The following CFAP45 variants were observed in gnomAD, a reference collection of about 807,000 sequenced individuals.
The protein encoded by CFAP45 is cilia- and flagella-associated protein 45.
Under a neutral mutation model 75.6 loss-of-function variants are expected in CFAP45, and 43 were observed. The observed-to-expected ratio is 0.57, with a 90% CI of 0.45 to 0.73. CFAP45 has a LOEUF of 0.73. CFAP45 is among the 30% of genes least tolerant of loss of function. The pLI is 0.00. For synonymous variants in CFAP45, 223 were observed against 244.6 expected, an observed-to-expected ratio of 0.91 and a Z score of 0.82; for missense variants, 689 against 701.5, an observed-to-expected ratio of 0.98 and a Z score of 0.20.
chr1:159,897,132 C>T (rs866155324), intron 1 of CFAP45, among the ~76,000 whole-genome samples: 1 of 151,924 alleles, frequency 6.6e-6, no homozygotes, highest in African/African-American at 2.4e-5. Flanking sequence ...GGCACGGTGG[C>T]GTACACCTAT....
Position 159,886,534 on chromosome 1 carries a change from C to T in CFAP45, c.744G>A (p.Arg248=). The T allele has an allele frequency of 6.2e-7, 1 of 1,614,172 alleles. No homozygotes were observed. The highest frequency in any genetic ancestry group is 8.5e-7 in the Non-Finnish European group (1 of 1,180,012). The change falls in exon 6 of 12, where the codon AGG becomes AGA. Residue 248 remains arginine (R), a synonymous_variant. Transcript: ENST00000368099. ...ACCTAATTCTTTCCTCCCTCCTCTT[C>T]CTCTCCAGTTCCTCCTGCCTTTGAA... ...KSIQRQEELE[R]KRREERIRGR...
intron 8 of CFAP45, among the ~76,000 whole-genome samples, chr1:159,878,965 C>A (rs1649482000): frequency 6.6e-6 from 1 of 151,882 alleles, no homozygotes; most frequent in Non-Finnish European, 1.5e-5. Flanking sequence ...GCAGCCCTGG[C>A]TGCAAGAATA....
At chr1:159,882,197 C>T (rs970917596) in intron 7 of CFAP45, among the ~76,000 whole-genome samples, 22 of 152,122 alleles carry the variant, frequency 1.4e-4, no homozygotes, top group African/African-American at 5.3e-4. Flanking sequence ...TTTGCTCACT[C>T]CACTTTTCCC....
chr1:159,889,229 A>T (rs1444605383), intron 3 of CFAP45, among the ~76,000 whole-genome samples: 2 of 151,950 alleles, frequency 1.3e-5, no homozygotes, highest in South Asian at 4.2e-4. Context: ...ATCGCTAATT[A>T]TAATGATTAC....
intron 11 of CFAP45, 31 bp from the exon 12 acceptor site, chr1:159,872,594 A>G (rs769332395): frequency 6.3e-7 from 1 of 1,590,108 alleles, no homozygotes; most frequent in Admixed American, 1.7e-5. Context: ...GGTATAAGGA[A>G]AGGTATTGGA....
intron 7 of CFAP45, among the ~76,000 whole-genome samples, chr1:159,882,016 G>T (rs1387386887): frequency 6.6e-6 from 1 of 152,194 alleles, no homozygotes; most frequent in Admixed American, 6.5e-5. Context: ...AACTCTCCCT[G>T]TGTGTCTTCC....
intron 1 of CFAP45, among the ~76,000 whole-genome samples, chr1:159,897,645 G>C (rs982283715): frequency 6.6e-6 from 1 of 152,120 alleles, no homozygotes; most frequent in Admixed American, 6.5e-5. Context: ...TATGTGCCCA[G>C]AATGTATTAC....
In CFAP45 at chr1:159,890,629, G is replaced by A. The variant is rs1362563439; in HGVS notation, c.130-7C>T. 1 of 1,613,782 alleles carries A rather than the reference G, an allele frequency of 6.2e-7. No homozygotes were observed. The highest frequency in any genetic ancestry group is 8.5e-7 in the Non-Finnish European group (1 of 1,179,792). On this transcript the variant is annotated splice_region_variant and splice_polypyrimidine_tract_variant and intron_variant, in intron 2 of 11. Coordinates refer to ENST00000368099, the MANE Select transcript of CFAP45 (RefSeq NM_012337.3). ...TCTGGCCCTGGGCTGGGGACTATGA[G>A]TTCAGAAAGAATAGCTTAGAAGCTT... is the stretch of plus-strand genomic sequence containing the variant.
At chr1:159,896,395 G>A (rs1294983776) in intron 1 of CFAP45, among the ~76,000 whole-genome samples, 1 of 152,210 alleles carries the variant, frequency 6.6e-6, no homozygotes, top group African/African-American at 2.4e-5. Flanking sequence ...CCTCATTGGG[G>A]AAATGCTGAC....
chr1:159,883,409 G>A (rs1027188035), intron 7 of CFAP45, among the ~76,000 whole-genome samples: 3 of 152,142 alleles, frequency 2.0e-5, no homozygotes, highest in Non-Finnish European at 4.4e-5. Context: ...AAGAGAGCCA[G>A]AAATACATAT....
At position 159,893,145 on chromosome 1, in the gene CFAP45, G is replaced by T. The variant is rs372096436; in HGVS notation, c.129+35C>A. The T allele has an allele frequency of 1.9e-6, 3 of 1,611,140 alleles. No individual in the cohort carries two copies. In the East Asian group the frequency reaches 6.7e-5, roughly 36 times the overall value. ...TACATTTTTGGGCCTCTGCCTGCAG[G>T]TGGCATCAACTTGAAAGGACTTGTT... On this transcript the variant is annotated intron_variant, in intron 2 of 11. Coordinates refer to ENST00000368099, the MANE Select transcript of CFAP45 (RefSeq NM_012337.3).
chr1:159,877,343 A>T lies in CFAP45; in HGVS notation c.1158+6T>A. ...AAGTAGAGGGAAGTCGAGACTAAGC[A>T]GGTACCTGTTCTGCCTGGTAATCCT... On this transcript the variant is annotated splice_donor_region_variant and intron_variant, in intron 9 of 11. Transcript: ENST00000368099. 6.3e-7 allele frequency: 1 copy of T among 1,579,384 alleles called. No individual in the cohort carries two copies. Among genetic ancestry groups the T allele is most frequent in the Non-Finnish European group, 8.7e-7 (1 of 1,148,200 alleles).
chr1:159,873,502 GCT>G (rs1333730030), intron 10 of CFAP45: 1 of 316,522 alleles, frequency 3.2e-6, no homozygotes, highest in African/African-American at 2.1e-5. Flanking sequence ...ACACTCTCTT[GCT>G]CTGTCACCCA....
chr1:159,878,753 TA>T (rs539116292), intron 8 of CFAP45, among the ~76,000 whole-genome samples: 1,062 of 32,330 alleles, frequency 0.033, 8 homozygotes, highest in African/African-American at 0.036. Context: ...AGACTACATC[TA>T]AAAAAAAAAA....
intron 8 of CFAP45, among the ~76,000 whole-genome samples, chr1:159,879,303 C>T (rs895841301): frequency 4.6e-5 from 7 of 152,152 alleles, no homozygotes; most frequent in Non-Finnish European, 7.4e-5. Context: ...GCACTAACTC[C>T]TACACAGAAT....
At chr1:159,880,815 T>C in intron 7 of CFAP45, 115 bp from the exon 8 acceptor site, 2 of 921,540 alleles carry the variant, frequency 2.2e-6, no homozygotes. Flanking sequence ...GCCTGCAGTC[T>C]AGTGTCCACA....
At position 159,884,396 on chromosome 1, in the gene CFAP45, G is replaced by A. The variant is rs752665362; in HGVS notation, c.897+40C>T. 107 of 1,571,954 alleles carry A rather than the reference G, an allele frequency of 6.8e-5. 1 individual carries two copies. The African/African-American group carries it at 1.2e-3, about 18-fold the overall frequency. ...CAGAGTCTTGAAGGGTTTTGATGCT[G>A]CAGCTGGTGAAACGTGGCATTGTCT... is the stretch of plus-strand genomic sequence containing the variant. On this transcript the variant is annotated intron_variant, in intron 7 of 11. Transcript: ENST00000368099.
In CFAP45 at chr1:159,884,521, T is replaced by G. The variant is rs961340993; in HGVS notation, c.812A>C (p.Glu271Ala). 1 of 1,613,724 alleles carries G rather than the reference T, an allele frequency of 6.2e-7. No homozygotes were observed. The highest frequency in any genetic ancestry group is 8.5e-7 in the Non-Finnish European group (1 of 1,179,928). Residue 271 changes from glutamate (E) to alanine (A), a missense_variant, in exon 7 of 12, where the codon GAG becomes GCG. By Grantham distance (107) the Glu-to-Ala change is moderately radical (BLOSUM62 -1). Coordinates refer to ENST00000368099, the MANE Select transcript of CFAP45 (RefSeq NM_012337.3). The stretch of plus-strand genomic sequence containing the variant: ...CCGCTGCTCAGCAAGCAGCGATCGC[T>G]CCTCCTGGTTCTTTTCCATCTGTTC... Reference protein sequence around the residue: ...IVEQMEKNQEERSLLAEQREQ... With the variant: ...IVEQMEKNQEARSLLAEQREQ...
At chr1:159,875,341 G>A (rs1429082529) in intron 10 of CFAP45, among the ~76,000 whole-genome samples, 2 of 152,190 alleles carry the variant, frequency 1.3e-5, no homozygotes, top group South Asian at 4.1e-4. Context: ...GGGGCATTTA[G>A]GAAGCTACTT....
Sources: gnomAD v4.1 joint callset for allele counts (sites outside exome capture counted in the v4.1 genomes callset) on GRCh38, gnomAD v4.1.1 for gene constraint, MANE v1.5 for transcripts, NCBI Gene and HGNC (gene_info 2026-07-23, HGNC 2026-07-21) for gene names.